THSD7B: variants seen among roughly 807,000 people sequenced by gnomAD.
THSD7B encodes thrombospondin type 1 domain containing 7B.
THSD7B carries 138 observed loss-of-function variants against 213.6 expected under a neutral mutation model. The observed-to-expected ratio is 0.65, with a 90% CI of 0.56 to 0.74. The LOEUF (loss-of-function observed/expected upper bound fraction) is 0.74, where lower values mean the gene tolerates loss of function less well. Among genes scored for constraint, THSD7B ranks in the 30% least tolerant of loss-of-function variants. THSD7B has a pLI of 0.00. For synonymous variants in THSD7B, 742 were observed against 687.0 expected, an observed-to-expected ratio of 1.08 and a Z score of -1.25; for missense variants, 1,931 against 1,991.5, an observed-to-expected ratio of 0.97 and a Z score of 0.58.
intron 20 of THSD7B, among the ~76,000 whole-genome samples, chr2:137,621,498 T>C (rs778627454): frequency 6.6e-6 from 1 of 152,178 alleles, no homozygotes; most frequent in Non-Finnish European, 1.5e-5. Context: ...TGGCAAGGAA[T>C]GCAGAAGGCA....
chr2:137,372,955 T>A (rs1685564837), intron 12 of THSD7B, among the ~76,000 whole-genome samples: 1 of 151,276 alleles, frequency 6.6e-6, no homozygotes, highest in African/African-American at 2.4e-5. Flanking sequence ...GTGTTTGGTT[T>A]TTTGTTCTTG....
intron 4 of THSD7B, among the ~76,000 whole-genome samples, chr2:137,110,302 G>A (rs1688325178): frequency 6.6e-6 from 1 of 152,126 alleles, no homozygotes. Flanking sequence ...GAAAGGATAA[G>A]TGAATGCATG....
At chr2:136,901,223 C>T (rs1340439938) in intron 2 of THSD7B, among the ~76,000 whole-genome samples, 4 of 152,254 alleles carry the variant, frequency 2.6e-5, no homozygotes, top group Admixed American at 2.6e-4. Context: ...AGATGCTGTG[C>T]TGTGAGAGTT....
chr2:137,394,355 G>C (rs1158239933), intron 12 of THSD7B, among the ~76,000 whole-genome samples: 1 of 129,722 alleles, frequency 7.7e-6, no homozygotes, highest in Non-Finnish European at 1.7e-5. Flanking sequence ...GTAAGGAAGG[G>C]ATCCAGTTTC....
chr2:137,057,884 A>G (rs1687200701), intron 3 of THSD7B, among the ~76,000 whole-genome samples: 1 of 152,216 alleles, frequency 6.6e-6, no homozygotes, highest in African/African-American at 2.4e-5. Context: ...TGCTTGTTTT[A>G]TTTTAAATTG....
chr2:136,910,322 C>T (rs1684236439), intron 2 of THSD7B, among the ~76,000 whole-genome samples: 1 of 151,964 alleles, frequency 6.6e-6, no homozygotes, highest in African/African-American at 2.4e-5. Flanking sequence ...TGAGTCTTGG[C>T]CATGGTAGTG....
intron 2 of THSD7B, among the ~76,000 whole-genome samples, chr2:136,940,726 T>TAA (rs1553459496): frequency 4.7e-5 from 2 of 42,240 alleles, no homozygotes; most frequent in East Asian, 6.8e-4. Flanking sequence ...TATATATATA[T>TAA]AATATATATA....
chr2:136,858,300 A>G (rs914433544), intron 1 of THSD7B, among the ~76,000 whole-genome samples: 8 of 152,352 alleles, frequency 5.3e-5, no homozygotes, highest in Admixed American at 1.3e-4. Context: ...AAAAAAATCA[A>G]CAAATAAGGC....
chr2:136,865,587 A>G (rs555256659), intron 1 of THSD7B, among the ~76,000 whole-genome samples: 1 of 152,192 alleles, frequency 6.6e-6, no homozygotes. Flanking sequence ...ATGCTCTTCT[A>G]TGTTTTAACA....
At chr2:137,465,409 C>G (rs528312496) in intron 15 of THSD7B, among the ~76,000 whole-genome samples, 1 of 152,092 alleles carries the variant, frequency 6.6e-6, no homozygotes, top group African/African-American at 2.4e-5. Flanking sequence ...GATTTATGAC[C>G]CCTGCTCCTC....
chr2:137,014,894 C>T (rs975273510), intron 2 of THSD7B, among the ~76,000 whole-genome samples: 1 of 152,098 alleles, frequency 6.6e-6, no homozygotes, highest in African/African-American at 2.4e-5. Flanking sequence ...GAGCACACTG[C>T]TCACCCAGCC....
rs531625600 is a variant in THSD7B, at chr2:137,052,135, C to T, written c.140-4285C>T. On this transcript the variant is annotated intron_variant, in intron 2 of 27. Transcript: ENST00000409968. The stretch of plus-strand genomic sequence containing the variant: ...GTTCATCAGTGCTACCCTTCCAAGT[C>T]CAAAGAATTCACTTCTAGGCCAAAA... Among the ~76,000 whole-genome samples, 15 of 152,272 alleles carry T rather than the reference C, an allele frequency of 9.9e-5. No homozygotes were observed. The South Asian group carries it at 1.4e-3, about 15-fold the overall frequency.
At chr2:136,948,337 C>G (rs1018751755) in intron 2 of THSD7B, among the ~76,000 whole-genome samples, 3 of 152,120 alleles carry the variant, frequency 2.0e-5, no homozygotes, top group African/African-American at 7.2e-5. Context: ...TTAGAACCAA[C>G]TTAATGTGGT....
At chr2:136,942,315 G>C (rs1684841890) in intron 2 of THSD7B, among the ~76,000 whole-genome samples, 1 of 152,100 alleles carries the variant, frequency 6.6e-6, no homozygotes, top group Non-Finnish European at 1.5e-5. Context: ...GGTTGGGATT[G>C]TCTTGGCAAT....
At chr2:137,207,662 G>C (rs1358606507) in intron 7 of THSD7B, among the ~76,000 whole-genome samples, 1 of 152,046 alleles carries the variant, frequency 6.6e-6, no homozygotes, top group Non-Finnish European at 1.5e-5. Flanking sequence ...TTGAGGTATT[G>C]GTAGACATTT....
At chr2:136,891,210 T>G (rs1374238917) in intron 2 of THSD7B, among the ~76,000 whole-genome samples, 1 of 152,134 alleles carries the variant, frequency 6.6e-6, no homozygotes, top group Non-Finnish European at 1.5e-5. Flanking sequence ...CTGAGTCATT[T>G]TTTCCTGTTT....
At chr2:137,279,400 A>G (rs924596614) in intron 12 of THSD7B, among the ~76,000 whole-genome samples, 1 of 152,028 alleles carries the variant, frequency 6.6e-6, no homozygotes, top group Non-Finnish European at 1.5e-5. Flanking sequence ...AAAAAGAGCC[A>G]GACATGGTAA....
At chr2:136,954,252 C>T (rs897467418) in intron 2 of THSD7B, among the ~76,000 whole-genome samples, 2 of 152,064 alleles carry the variant, frequency 1.3e-5, no homozygotes, top group South Asian at 2.1e-4. Flanking sequence ...TTTGAGAGTC[C>T]GGAAGGCTCC....
chr2:137,339,571 A>G (rs549969272), intron 12 of THSD7B, among the ~76,000 whole-genome samples: 2 of 151,918 alleles, frequency 1.3e-5, no homozygotes, highest in East Asian at 3.9e-4. Flanking sequence ...TGGAACAACT[A>G]TAAGGCAGCT....
Sources: allele counts gnomAD v4.1 joint callset (sites outside exome capture counted in the v4.1 genomes callset), GRCh38; gene constraint gnomAD v4.1.1; transcripts MANE v1.5; gene names NCBI Gene and HGNC (gene_info 2026-07-23, HGNC 2026-07-21).